SCNN1B: variants seen among roughly 807,000 people sequenced by gnomAD.
The protein encoded by SCNN1B is sodium channel epithelial 1 subunit beta, also known as epithelial sodium channel subunit beta.
SCNN1B carries 46 observed loss-of-function variants against 65.3 expected under a neutral mutation model. That is an observed-to-expected ratio of 0.70 (90% CI 0.56 to 0.90). The LOEUF is 0.90. Ranked by LOEUF, SCNN1B falls within the 40% of genes least tolerant of loss-of-function variation. The probability of loss-of-function intolerance (pLI) is 0.00; values close to 1 mark genes in which losing one functional copy is unlikely to be tolerated. For synonymous variants in SCNN1B, 349 were observed against 330.6 expected, an observed-to-expected ratio of 1.06 and a Z score of -0.60; for missense variants, 751 against 830.5, an observed-to-expected ratio of 0.90 and a Z score of 1.18.
chr16:23,367,301 T>C (rs1371452881), intron 4 of SCNN1B, among the ~76,000 whole-genome samples: 3 of 152,076 alleles, frequency 2.0e-5, no homozygotes, highest in African/African-American at 7.2e-5. Context: ...GTTGTTGTTG[T>C]TTGTTGTTGT....
intron 2 of SCNN1B, among the ~76,000 whole-genome samples, chr16:23,285,170 T>C (rs553992058): frequency 4.6e-5 from 7 of 152,316 alleles, no homozygotes; most frequent in Non-Finnish European, 8.8e-5. Flanking sequence ...AGGTACCATA[T>C]GGTCATGTTA....
At chr16:23,316,342 C>T (rs571743941) in intron 1 of SCNN1B, among the ~76,000 whole-genome samples, 3,007 of 149,658 alleles carry the variant, frequency 0.02, 42 homozygotes, top group Non-Finnish European at 0.032. Flanking sequence ...TCACCACCAT[C>T]GCCGTCACCA....
In SCNN1B at chr16:23,353,044, T is replaced by C. The variant is rs1398410294; in HGVS notation, c.555T>C (p.Asn185=). 6.2e-7 allele frequency: 1 copy of C among 1,614,202 alleles called. No homozygotes were observed. The highest frequency in any genetic ancestry group is 8.5e-7 in the Non-Finnish European group (1 of 1,180,040). ...GCTCAGCATCAGAAAAGATCTGTAA[T>C]GCCCACGGGTGCAAAATGGCCATGA... The part of the protein sequence containing the change: ...TSSSASEKIC[N]AHGCKMAMRL... Residue 185 remains asparagine, a synonymous_variant, in exon 3 of 13, where the codon AAT becomes AAC. Transcript: ENST00000343070.
intron 11 of SCNN1B, among the ~76,000 whole-genome samples, chr16:23,379,115 CCACACACCCAGCCA>C: frequency 2.7e-5 from 4 of 147,774 alleles, no homozygotes; most frequent in African/African-American, 1.0e-4. Flanking sequence ...CATCATCCAC[CCACACACCCAGCCA>C]TCCTCCACTC....
At chr16:23,278,771 T>G (rs1302877103) in intron 1 of SCNN1B, among the ~76,000 whole-genome samples, 1 of 151,282 alleles carries the variant, frequency 6.6e-6, no homozygotes, top group African/African-American at 2.4e-5. Context: ...ACCCCTCACA[T>G]CTCTACAAAA....
At chr16:23,353,115 C>A in intron 3 of SCNN1B, 41 bp downstream of exon 3, 5 of 1,605,924 alleles carry the variant, frequency 3.1e-6, no homozygotes, top group Non-Finnish European at 4.3e-6. Flanking sequence ...TGGGCCCCAC[C>A]CAGTGAGGCT....
chr16:23,367,288 T>TTTG (rs1334560012), intron 4 of SCNN1B, among the ~76,000 whole-genome samples: 1 of 152,092 alleles, frequency 6.6e-6, no homozygotes, highest in Non-Finnish European at 1.5e-5. Context: ...CTTTTTCATT[T>TTTG]TTGTTGTTGT....
At chr16:23,360,537 A>G (rs1161921978) in intron 4 of SCNN1B, among the ~76,000 whole-genome samples, 3 of 150,904 alleles carry the variant, frequency 2.0e-5, no homozygotes, top group Non-Finnish European at 4.4e-5. Flanking sequence ...AGCCTGGGTG[A>G]CAGAGTGAGA....
chr16:23,378,593 C>T (rs1962962946), intron 10 of SCNN1B, 113 bp from the exon 11 acceptor site: 1 of 912,056 alleles, frequency 1.1e-6, no homozygotes, highest in Non-Finnish European at 1.8e-6. Flanking sequence ...TGTGATTCCC[C>T]CGGGGGCCTC....
intron 1 of SCNN1B, among the ~76,000 whole-genome samples, chr16:23,315,356 A>G (rs1430580859): frequency 6.6e-6 from 1 of 151,874 alleles, no homozygotes; most frequent in Non-Finnish European, 1.5e-5. Context: ...AAAAGTCACC[A>G]TTCTTTCCCT....
chr16:23,296,598 A>G (rs1053266519), intron 2 of SCNN1B, among the ~76,000 whole-genome samples: 1 of 152,262 alleles, frequency 6.6e-6, no homozygotes, highest in South Asian at 2.1e-4. Context: ...GCTGGGAAAT[A>G]TTGGAGACAG....
intron 7 of SCNN1B, among the ~76,000 whole-genome samples, chr16:23,375,197 G>A (rs1962868299): frequency 6.6e-6 from 1 of 152,122 alleles, no homozygotes; most frequent in Non-Finnish European, 1.5e-5. Flanking sequence ...GAGACATTCT[G>A]CAGACCAGTG....
chr16:23,302,529 G>A (rs1961106300), intron 1 of SCNN1B, 92 bp downstream of exon 1: 1 of 152,500 alleles, frequency 6.6e-6, no homozygotes, highest in Non-Finnish European at 1.5e-5. Flanking sequence ...CCCGGCCCGC[G>A]AGCTCCTGTC....
chr16:23,337,189 C>T (rs999669008), intron 1 of SCNN1B, among the ~76,000 whole-genome samples: 1 of 151,718 alleles, frequency 6.6e-6, no homozygotes, highest in Admixed American at 6.6e-5. Context: ...GTAGCTGAGA[C>T]CACAGGCACA....
rs937907756 is a variant in SCNN1B at position 23,303,823 on chromosome 16, G to A, written c.-9+1386G>A. On this transcript the variant is annotated intron_variant, in intron 1 of 12. Transcript: ENST00000343070. The stretch of plus-strand genomic sequence containing the variant: ...AATCCCAGCTACTCAGGAGGCTGAC[G>A]CAGGTGGATCGCTTGAACCCAGGAG... 59 of 549,154 alleles carry A rather than the reference G, an allele frequency of 1.1e-4. 2 individuals carry two copies. The East Asian group carries it at 1.5e-3, about 14-fold the overall frequency. The allele number at this position is 549,154 out of a possible 1,614,324, so 34.0% of individuals were successfully genotyped here.
At chr16:23,332,888 G>A (rs1961843297) in intron 1 of SCNN1B, among the ~76,000 whole-genome samples, 1 of 152,066 alleles carries the variant, frequency 6.6e-6, no homozygotes, top group Non-Finnish European at 1.5e-5. Context: ...GGTCAAGATG[G>A]TGAAACCCCA....
chr16:23,366,599 T>C (rs1261706135), intron 4 of SCNN1B, among the ~76,000 whole-genome samples: 2 of 151,998 alleles, frequency 1.3e-5, no homozygotes, highest in Non-Finnish European at 2.9e-5. Flanking sequence ...CCGGGTGTGG[T>C]GGCGGGTGCC....
At chr16:23,310,597 T>A (rs940152865) in intron 1 of SCNN1B, among the ~76,000 whole-genome samples, 1 of 152,182 alleles carries the variant, frequency 6.6e-6, no homozygotes, top group African/African-American at 2.4e-5. Context: ...AGATGGCTTG[T>A]GCCTGGGAGT....
chr16:23,351,060 G>A (rs1767329336), intron 2 of SCNN1B, among the ~76,000 whole-genome samples: 1 of 152,198 alleles, frequency 6.6e-6, no homozygotes, highest in Non-Finnish European at 1.5e-5. Context: ...GGCCAACATG[G>A]TGAGACAGCA....
Sources: allele counts gnomAD v4.1 joint callset (sites outside exome capture counted in the v4.1 genomes callset), GRCh38; gene constraint gnomAD v4.1.1; transcripts MANE v1.5; gene names NCBI Gene and HGNC (gene_info 2026-07-23, HGNC 2026-07-21).